Variants in SLC24A3 observed in about 807,000 individuals in gnomAD.
SLC24A3 encodes solute carrier family 24 member 3.
In SLC24A3, 28 loss-of-function variants were observed where a neutral mutation model predicts 75.8. That is an observed-to-expected ratio of 0.37 (90% confidence interval 0.27 to 0.51). SLC24A3 has a LOEUF of 0.51. Among genes scored for constraint, SLC24A3 ranks in the 20% least tolerant of loss-of-function variants. SLC24A3 has a pLI of 0.94. For missense variants in SLC24A3, 663 were observed against 847.8 expected (o/e 0.78, Z 2.71); for synonymous variants, 372 against 334.1 (o/e 1.11, Z -1.24).
intron 6 of SLC24A3, among the ~76,000 whole-genome samples, chr20:19,634,645 C>T (rs989572117): frequency 6.6e-6 from 1 of 151,992 alleles, no homozygotes; most frequent in African/African-American, 2.4e-5. Flanking sequence ...GAAGCAAGCA[C>T]AAAAGTATAC....
At chr20:19,584,924 G>C (rs146749402) in intron 4 of SLC24A3, 47 bp from the exon 5 acceptor site, 2 of 1,564,210 alleles carry the variant, frequency 1.3e-6, no homozygotes, top group Non-Finnish European at 1.8e-6. Context: ...CCTCTCTTCC[G>C]AGATGGAATC....
At chr20:19,601,003 A>G (rs2031520405) in intron 6 of SLC24A3, among the ~76,000 whole-genome samples, 1 of 152,166 alleles carries the variant, frequency 6.6e-6, no homozygotes, top group South Asian at 2.1e-4. Flanking sequence ...AACTGCCCAC[A>G]TTCAAATCTT....
chr20:19,257,500 T>A (rs905149129), intron 1 of SLC24A3: 1 of 152,184 alleles, frequency 6.6e-6, no homozygotes, highest in South Asian at 2.1e-4. Context: ...CCCAAAAGGC[T>A]CAATGTCAAA....
chr20:19,483,176 C>A (rs1988083819), intron 2 of SLC24A3, among the ~76,000 whole-genome samples: 1 of 152,186 alleles, frequency 6.6e-6, no homozygotes, highest in Admixed American at 6.5e-5. Context: ...ATCAAACTGT[C>A]CCACTGACCA....
chr20:19,702,689 A>T (rs2032888615), intron 15 of SLC24A3, among the ~76,000 whole-genome samples: 1 of 152,202 alleles, frequency 6.6e-6, no homozygotes, highest in South Asian at 2.1e-4. Flanking sequence ...TTTTGAAAGT[A>T]GAAAATCAGT....
intron 2 of SLC24A3, among the ~76,000 whole-genome samples, chr20:19,427,384 A>G (rs1227983885): frequency 5.9e-5 from 9 of 152,214 alleles, no homozygotes. Flanking sequence ...ATTGCTTTAA[A>G]TTTCAAGGTA....
intron 6 of SLC24A3, among the ~76,000 whole-genome samples, chr20:19,639,648 G>C (rs2032048222): frequency 6.6e-6 from 1 of 152,236 alleles, no homozygotes; most frequent in Non-Finnish European, 1.5e-5. Context: ...CAGCCCTTGG[G>C]TGGTCGATGG....
chr20:19,238,770 A>G (rs878881166), intron 1 of SLC24A3, among the ~76,000 whole-genome samples: 1 of 152,050 alleles, frequency 6.6e-6, no homozygotes, highest in Non-Finnish European at 1.5e-5. Flanking sequence ...TGCAAAGGGG[A>G]TGGCCAGACA....
chr20:19,389,213 A>C (rs1986325798), intron 2 of SLC24A3, among the ~76,000 whole-genome samples: 1 of 152,034 alleles, frequency 6.6e-6, no homozygotes. Context: ...TATTTTTAAT[A>C]CTTTTGTCTT....
chr20:19,683,153 T>G (rs2032634195), intron 10 of SLC24A3, among the ~76,000 whole-genome samples: 1 of 152,238 alleles, frequency 6.6e-6, no homozygotes, highest in Non-Finnish European at 1.5e-5. Context: ...TATATTTTTC[T>G]GAATGATTAT....
chr20:19,213,029 G>T, intron 1 of SLC24A3, 45 bp downstream of exon 1: 2 of 1,200,400 alleles, frequency 1.7e-6, no homozygotes, highest in Non-Finnish European at 2.1e-6. Context: ...CGGCTCCGGC[G>T]GCTCGGGGCT....
chr20:19,509,203 AAGG>A (rs1359558591), intron 2 of SLC24A3, among the ~76,000 whole-genome samples: 1 of 152,234 alleles, frequency 6.6e-6, no homozygotes, highest in African/African-American at 2.4e-5. Flanking sequence ...TGTGGCACAG[AAGG>A]AGATCTGGAC....
At chr20:19,685,529 A>G (rs1436134142) in intron 12 of SLC24A3, among the ~76,000 whole-genome samples, 168 bp downstream of exon 12, 1 of 152,174 alleles carries the variant, frequency 6.6e-6, no homozygotes, top group African/African-American at 2.4e-5. Context: ...TAGAAGTTCA[A>G]AGATGGCCAA....
At chr20:19,502,558 C>T (rs188953538) in intron 2 of SLC24A3, among the ~76,000 whole-genome samples, 106 of 152,088 alleles carry the variant, frequency 7.0e-4, no homozygotes, top group Admixed American at 1.8e-3. Context: ...AAATGATGAC[C>T]CTCCAGTAAT....
At chr20:19,449,462 G>T (rs1191415094) in intron 2 of SLC24A3, among the ~76,000 whole-genome samples, 1 of 152,206 alleles carries the variant, frequency 6.6e-6, no homozygotes, top group African/African-American at 2.4e-5. Context: ...AGAGTCCTAG[G>T]CTGGGGCTTG....
intron 2 of SLC24A3, among the ~76,000 whole-genome samples, chr20:19,337,220 G>A (rs533971288): frequency 2.3e-4 from 35 of 152,256 alleles, no homozygotes; most frequent in Middle Eastern, 3.4e-3. Flanking sequence ...TGAGGCGAGC[G>A]GATCACTTGA....
At chr20:19,717,706 T>C in intron 16 of SLC24A3, 113 bp downstream of exon 16, 1 of 1,087,260 alleles carries the variant, frequency 9.2e-7, no homozygotes, top group Non-Finnish European at 1.4e-6. Context: ...AGCAACCTCC[T>C]TGTCCCATCT....
At chr20:19,291,796 G>A (rs956976751) in intron 2 of SLC24A3, among the ~76,000 whole-genome samples, 3 of 152,286 alleles carry the variant, frequency 2.0e-5, no homozygotes, top group Non-Finnish European at 1.5e-5. Flanking sequence ...CAGTGTCCAC[G>A]TTATTGGGAT....
chr20:19,702,261 A>G (rs759683810), intron 15 of SLC24A3, among the ~76,000 whole-genome samples: 1 of 152,218 alleles, frequency 6.6e-6, no homozygotes, highest in Non-Finnish European at 1.5e-5. Context: ...CAGAGCTATG[A>G]AAGTATACTC....
Sources: gnomAD v4.1 joint callset for allele counts (sites outside exome capture counted in the v4.1 genomes callset) on GRCh38, gnomAD v4.1.1 for gene constraint, MANE v1.5 for transcripts, NCBI Gene and HGNC (gene_info 2026-07-23, HGNC 2026-07-21) for gene names.